The following PAPSS2 variants were observed in gnomAD, a reference collection of about 807,000 sequenced individuals.
PAPSS2 encodes bifunctional 3'-phosphoadenosine 5'-phosphosulfate synthase 2.
A neutral mutation model predicts 66.5 loss-of-function variants in PAPSS2; 61 were observed. The observed-to-expected ratio is 0.92, with a 90% confidence interval of 0.75 to 1.14. The LOEUF is 1.14. PAPSS2 is among the 50% of genes most tolerant of loss of function. The pLI is 0.00. For synonymous variants in PAPSS2, 289 were observed against 287.5 expected (o/e 1.01, Z -0.05); for missense variants, 708 against 789.6 (o/e 0.90, Z 1.24).
intron 1 of PAPSS2, among the ~76,000 whole-genome samples, chr10:87,706,407 G>A (rs1340252586): frequency 1.3e-5 from 2 of 151,760 alleles, no homozygotes; most frequent in East Asian, 1.9e-4. Context: ...TTGAAAAAAA[G>A]GACATTTAAA....
At chr10:87,709,449 T>C (rs1853439214) in intron 2 of PAPSS2, 136 bp downstream of exon 2, 2 of 592,234 alleles carry the variant, frequency 3.4e-6, no homozygotes, top group South Asian at 3.7e-5. Flanking sequence ...GTAGAAAGCC[T>C]GGGTGTTAGT....
Position 87,745,974 on chromosome 10 carries a change from T to A in PAPSS2, c.*4T>A, listed in dbSNP as rs1394671241. ...CAGGTCCCTGGAGAAGAACTAAGCC[T>A]TTGGCTCCAGAGTTTCTTTCTGAAG... On this transcript the variant is annotated 3_prime_UTR_variant, in exon 13 of 13. Coordinates refer to ENST00000456849, the MANE Select transcript of PAPSS2 (RefSeq NM_001015880.2). 6.2e-7 allele frequency: 1 copy of A among 1,613,936 alleles called. No individual in the cohort carries two copies. Among genetic ancestry groups the A allele is most frequent in the Admixed American group, 1.7e-5 (1 of 60,022 alleles).
intron 9 of PAPSS2, among the ~76,000 whole-genome samples, chr10:87,731,279 G>T (rs1052574402): frequency 1.3e-5 from 2 of 152,194 alleles, no homozygotes; most frequent in Non-Finnish European, 2.9e-5. Context: ...TGTTTACAGC[G>T]TGGTTTACTG....
chr10:87,707,772 A>G (rs1274505054), intron 1 of PAPSS2, among the ~76,000 whole-genome samples: 5 of 151,468 alleles, frequency 3.3e-5, no homozygotes, highest in African/African-American at 4.9e-5. Flanking sequence ...AGGTCTCACT[A>G]TGTTGCCCAG....
chr10:87,664,759 A>G (rs1852795486), intron 1 of PAPSS2, among the ~76,000 whole-genome samples: 1 of 152,180 alleles, frequency 6.6e-6, no homozygotes, highest in South Asian at 2.1e-4. Flanking sequence ...ATGGGCACTC[A>G]TTAGTCTTTG....
chr10:87,746,108 T>TA lies in PAPSS2; in HGVS notation c.*147dup, dbSNP rs141653988. 0.012 allele frequency: 7,271 copies of TA among 631,380 alleles called. 54 individuals are homozygous for TA. Among genetic ancestry groups the TA allele is most frequent in the African/African-American group, 0.032 (1,623 of 51,072 alleles). 39.1% of individuals were successfully genotyped at this position (631,380 alleles called of 1,614,324 possible). A position where few individuals can be genotyped will look rare whatever the true frequency, so the allele number is the denominator to read the frequency against. On this transcript the variant is annotated 3_prime_UTR_variant, in exon 13 of 13. Transcript: ENST00000456849. Reference sequence around the variant, plus strand: ...ATGAAGTAAAAGTTGTGTCTATAATTAAAAAAAAATATATATATATACACA... The same window carrying TA: ...ATGAAGTAAAAGTTGTGTCTATAATTAAAAAAAAAATATATATATATACACA...
chr10:87,697,601 C>T (rs146615451), intron 1 of PAPSS2, among the ~76,000 whole-genome samples: 17 of 152,234 alleles, frequency 1.1e-4, no homozygotes, highest in Non-Finnish European at 1.6e-4. Flanking sequence ...CACTAAGAGG[C>T]GGCAGTCCAA....
At chr10:87,705,460 G>C (rs1305516418) in intron 1 of PAPSS2, among the ~76,000 whole-genome samples, 2 of 152,170 alleles carry the variant, frequency 1.3e-5, no homozygotes, top group African/African-American at 2.4e-5. Context: ...CAATGGAATT[G>C]CTGAGTCATG....
intron 1 of PAPSS2, among the ~76,000 whole-genome samples, chr10:87,681,412 T>G (rs1034635034): frequency 2.6e-5 from 4 of 152,210 alleles, no homozygotes; most frequent in African/African-American, 7.2e-5. Flanking sequence ...ATGTATAGCC[T>G]TGGTCATAGA....
At chr10:87,719,480 A>T (rs1853569629) in intron 7 of PAPSS2, among the ~76,000 whole-genome samples, 2 of 152,224 alleles carry the variant, frequency 1.3e-5, no homozygotes, top group Admixed American at 6.5e-5. Context: ...AGAATTTGTC[A>T]GGCATGGTGG....
intron 2 of PAPSS2, among the ~76,000 whole-genome samples, chr10:87,710,090 C>A (rs1853445376): frequency 6.6e-6 from 1 of 152,178 alleles, no homozygotes; most frequent in Admixed American, 6.5e-5. Flanking sequence ...CAACAGTTTT[C>A]AAATGGAATG....
chr10:87,720,514 G>A (rs1853580866), intron 7 of PAPSS2, among the ~76,000 whole-genome samples: 1 of 152,180 alleles, frequency 6.6e-6, no homozygotes, highest in Non-Finnish European at 1.5e-5. Flanking sequence ...GAAGGTTTGA[G>A]TCACTGCCAT....
chr10:87,697,995 G>T (rs1039686897), intron 1 of PAPSS2, among the ~76,000 whole-genome samples: 1 of 152,148 alleles, frequency 6.6e-6, no homozygotes, highest in East Asian at 1.9e-4. Context: ...GCCCTCTAGG[G>T]TTTTCCAACA....
At chr10:87,692,887 C>T (rs939005484) in intron 1 of PAPSS2, among the ~76,000 whole-genome samples, 5 of 152,150 alleles carry the variant, frequency 3.3e-5, no homozygotes, top group Non-Finnish European at 7.4e-5. Flanking sequence ...AGGATAAACA[C>T]TGAAGATCTT....
At chr10:87,710,187 G>A (rs1326157168) in intron 2 of PAPSS2, among the ~76,000 whole-genome samples, 1 of 152,162 alleles carries the variant, frequency 6.6e-6, no homozygotes, top group Non-Finnish European at 1.5e-5. Context: ...CTGGCAGGTG[G>A]GGACCTGCCT....
chr10:87,714,463 G>C (rs1483032461), intron 4 of PAPSS2, among the ~76,000 whole-genome samples: 1 of 152,160 alleles, frequency 6.6e-6, no homozygotes, highest in Non-Finnish European at 1.5e-5. Context: ...GAGTGTTTCA[G>C]AGTTCTTCCT....
At chr10:87,726,978 G>T (rs1853666702) in intron 8 of PAPSS2, among the ~76,000 whole-genome samples, 1 of 152,130 alleles carries the variant, frequency 6.6e-6, no homozygotes, top group African/African-American at 2.4e-5. Flanking sequence ...TTGAGGTCAG[G>T]ACTTAGATAT....
chr10:87,676,973 C>G (rs1295957270), intron 1 of PAPSS2, among the ~76,000 whole-genome samples: 1 of 146,394 alleles, frequency 6.8e-6, no homozygotes, highest in African/African-American at 2.5e-5. Context: ...GCAGGCAGAT[C>G]ACTTGAGGTC....
At chr10:87,694,505 G>T (rs1853208930) in intron 1 of PAPSS2, among the ~76,000 whole-genome samples, 2 of 152,214 alleles carry the variant, frequency 1.3e-5, no homozygotes, top group South Asian at 2.1e-4. Context: ...ATAGTTGAGG[G>T]CATGGAGAGA....
Sources: allele counts gnomAD v4.1 joint callset (sites outside exome capture counted in the v4.1 genomes callset), GRCh38; gene constraint gnomAD v4.1.1; transcripts MANE v1.5; gene names NCBI Gene and HGNC (gene_info 2026-07-23, HGNC 2026-07-21).